The following CNTNAP4 variants were observed in gnomAD, a reference collection of about 807,000 sequenced individuals.
CNTNAP4 encodes the protein contactin associated protein family member 4, also known as contactin-associated protein-like 4.
CNTNAP4 carries 98 observed loss-of-function variants against 148.4 expected under a neutral mutation model. The observed-to-expected ratio is 0.66, with a 90% CI of 0.56 to 0.78. CNTNAP4 has a LOEUF of 0.78. Ranked by LOEUF, CNTNAP4 falls within the 30% of genes least tolerant of loss-of-function variation. The pLI is 0.00. For missense variants in CNTNAP4, 1,935 were observed against 1,565.6 expected, an observed-to-expected ratio of 1.24 and a Z score of -3.98; for synonymous variants, 730 against 565.1, an observed-to-expected ratio of 1.29 and a Z score of -4.14.
chr16:76,277,432 T>A lies in CNTNAP4; in HGVS notation c.-231T>A, dbSNP rs1338995890. On this transcript the variant is annotated 5_prime_UTR_variant, in exon 1 of 24. Coordinates refer to ENST00000611870, the MANE Select transcript of CNTNAP4 (RefSeq NM_033401.5). ...CAGTGAGGAGTCAGGGAGGTGTGTG[T>A]GAGAGAGAGAGAGAAAAGAGAGAGA... 84 of 502,890 alleles carry A rather than the reference T, an allele frequency of 1.7e-4. No individual in the cohort carries two copies. In the East Asian group the frequency reaches 2.3e-3, roughly 14 times the overall value. 31.2% of individuals were successfully genotyped at this position (502,890 alleles called of 1,614,324 possible).
At chr16:76,375,644 A>C (rs532639815) in intron 3 of CNTNAP4, among the ~76,000 whole-genome samples, 1 of 152,138 alleles carries the variant, frequency 6.6e-6, no homozygotes, top group African/African-American at 2.4e-5. Context: ...AGGCTCCTGC[A>C]TCAGAAGTGT....
chr16:76,398,557 T>G (rs530952066), intron 3 of CNTNAP4, among the ~76,000 whole-genome samples: 1 of 152,196 alleles, frequency 6.6e-6, no homozygotes, highest in African/African-American at 2.4e-5. Context: ...TCAGAACTAC[T>G]TTGAGATAGG....
intron 11 of CNTNAP4, among the ~76,000 whole-genome samples, chr16:76,479,145 CA>C (rs936127734): frequency 3.3e-5 from 5 of 151,936 alleles, no homozygotes; most frequent in African/African-American, 7.2e-5. Flanking sequence ...TTCATAATGT[CA>C]AAGTAGCTAA....
chr16:76,412,360 A>G lies in CNTNAP4; in HGVS notation c.391-15092A>G, dbSNP rs188867237. On this transcript the variant is annotated intron_variant, in intron 3 of 23. Transcript: ENST00000611870. ...AACTGCCTGATTTTGCGCTGGGTACATCATTCTTCAGAGTGGAATTGCCAA... is the reference window on the plus strand; with the variant it reads ...AACTGCCTGATTTTGCGCTGGGTACGTCATTCTTCAGAGTGGAATTGCCAA... Among the ~76,000 whole-genome samples the G allele has an allele frequency of 1.2e-4, 18 of 151,504 alleles. No individual in the cohort carries two copies. In the East Asian group the frequency reaches 2.9e-3, roughly 24 times the overall value.
chr16:76,502,257 T>C lies in CNTNAP4; in HGVS notation c.2365+3563T>C, dbSNP rs533159249. 2.6e-5 allele frequency among the ~76,000 whole-genome samples: 4 copies of C among 152,280 alleles called. No individual in the cohort carries two copies. The South Asian group carries it at 8.3e-4, about 32-fold the overall frequency. ...GGACTAAGGACTAAGGACTATTTTC[T>C]GCATGAAGCGTTCTTTATTTTCTCA... is the stretch of plus-strand genomic sequence containing the variant. On this transcript the variant is annotated intron_variant, in intron 15 of 23. Coordinates refer to ENST00000611870, the MANE Select transcript of CNTNAP4 (RefSeq NM_033401.5).
intron 3 of CNTNAP4, among the ~76,000 whole-genome samples, chr16:76,379,820 C>A (rs1408039759): frequency 6.6e-6 from 1 of 152,146 alleles, no homozygotes; most frequent in Non-Finnish European, 1.5e-5. Flanking sequence ...ATTCATGGAT[C>A]CGTAATATTC....
intron 3 of CNTNAP4, among the ~76,000 whole-genome samples, chr16:76,389,541 C>T (rs2016784898): frequency 6.6e-6 from 1 of 152,172 alleles, no homozygotes; most frequent in South Asian, 2.1e-4. Context: ...GCAACATCCT[C>T]ATCCCGAGTT....
intron 1 of CNTNAP4, among the ~76,000 whole-genome samples, chr16:76,282,275 A>C (rs2143747847): frequency 6.6e-6 from 1 of 152,006 alleles, no homozygotes; most frequent in African/African-American, 2.4e-5. Context: ...CAGTGGGTAT[A>C]AATTATTTGT....
chr16:76,410,781 A>C (rs1238730748), intron 3 of CNTNAP4, among the ~76,000 whole-genome samples: 2 of 151,710 alleles, frequency 1.3e-5, no homozygotes, highest in Middle Eastern at 3.2e-3. Context: ...TGTCCTAAAA[A>C]CATTTGGTAA....
chr16:76,535,512 A>G, intron 17 of CNTNAP4, 33 bp from the exon 18 acceptor site: 1 of 1,608,466 alleles, frequency 6.2e-7, no homozygotes, highest in Non-Finnish European at 8.5e-7. Flanking sequence ...AACACCTAGG[A>G]ACATGTTTCC....
At chr16:76,496,584 T>C (rs937587305) in intron 14 of CNTNAP4, among the ~76,000 whole-genome samples, 3 of 152,152 alleles carry the variant, frequency 2.0e-5, no homozygotes, top group South Asian at 2.1e-4. Context: ...ATCCCAGATA[T>C]AGAGATAGGA....
intron 3 of CNTNAP4, among the ~76,000 whole-genome samples, chr16:76,420,699 C>T (rs1367257802): frequency 2.0e-5 from 3 of 151,750 alleles, no homozygotes; most frequent in East Asian, 1.9e-4. Context: ...ACAACAACAA[C>T]GAAACTACCC....
chr16:76,334,176 T>TATAATA (rs56790152), intron 2 of CNTNAP4, among the ~76,000 whole-genome samples: 2,334 of 149,414 alleles, frequency 0.016, 59 homozygotes, highest in African/African-American at 0.051. Flanking sequence ...AAACTTAAAG[T>TATAATA]ATAATAATAA....
chr16:76,277,428 T>C lies in CNTNAP4; in HGVS notation c.-235T>C. 2.1e-6 allele frequency: 1 copy of C among 483,312 alleles called. No individual in the cohort carries two copies. Among genetic ancestry groups the C allele is most frequent in the East Asian group, 3.2e-5 (1 of 31,074 alleles). The allele number at this position is 483,312 out of a possible 1,614,324, so 29.9% of individuals were successfully genotyped here. On this transcript the variant is annotated 5_prime_UTR_variant, in exon 1 of 24. Coordinates refer to ENST00000611870, the MANE Select transcript of CNTNAP4 (RefSeq NM_033401.5). ...TTTTCAGTGAGGAGTCAGGGAGGTG[T>C]GTGTGAGAGAGAGAGAGAAAAGAGA...
chr16:76,325,053 A>G (rs142938651), intron 2 of CNTNAP4, among the ~76,000 whole-genome samples: 109 of 152,284 alleles, frequency 7.2e-4, no homozygotes, highest in Middle Eastern at 3.4e-3. Context: ...GGGGGCAAAG[A>G]TCCCCCCAAA....
chr16:76,324,941 G>T (rs1216315069), intron 2 of CNTNAP4, among the ~76,000 whole-genome samples: 1 of 152,186 alleles, frequency 6.6e-6, no homozygotes, highest in Non-Finnish European at 1.5e-5. Context: ...TGTGAATTTT[G>T]TTGGGACACA....
At chr16:76,334,580 G>A (rs1013333192) in intron 2 of CNTNAP4, among the ~76,000 whole-genome samples, 12 of 152,024 alleles carry the variant, frequency 7.9e-5, no homozygotes, top group African/African-American at 2.9e-4. Context: ...TTTTAATAAG[G>A]ATTTTATACT....
At position 76,277,726 on chromosome 16, in the gene CNTNAP4, A is replaced by G. The variant is rs1958532317; in HGVS notation, c.64A>G (p.Arg22Gly). 1 of 1,601,572 alleles carries G rather than the reference A, an allele frequency of 6.2e-7. No individual in the cohort carries two copies. The change falls in exon 1 of 24, where the codon AGA (arginine) becomes GGA (glycine). Residue 22 changes from arginine (R) to glycine (G), a missense_variant. Coordinates refer to ENST00000611870, the MANE Select transcript of CNTNAP4 (RefSeq NM_033401.5). ...LLLLSTQNWN[R>G]VEAGNSYDCD... ...TCTGTTATCTACTCAAAATTGGAAC[A>G]GAGTCGAAGCTGGGAATTCCTGTAA...
intron 2 of CNTNAP4, among the ~76,000 whole-genome samples, chr16:76,336,488 C>T (rs138865152): frequency 5.6e-4 from 86 of 152,260 alleles, no homozygotes; most frequent in African/African-American, 2.0e-3. Flanking sequence ...TACCACTGAT[C>T]AGAACTTATC....
Sources: allele counts gnomAD v4.1 joint callset (sites outside exome capture counted in the v4.1 genomes callset), GRCh38; gene constraint gnomAD v4.1.1; transcripts MANE v1.5; gene names NCBI Gene and HGNC (gene_info 2026-07-23, HGNC 2026-07-21).